Variants in ST3GAL6 observed in about 807,000 individuals in gnomAD.
ST3GAL6 encodes the protein type 2 lactosamine alpha-2,3-sialyltransferase.
ST3GAL6 carries 31 observed loss-of-function variants against 40.5 expected under a neutral mutation model. The ratio of observed to expected loss-of-function variants is 0.77; its 90% CI spans 0.58 to 1.03. The LOEUF (loss-of-function observed/expected upper bound fraction) is 1.03. ST3GAL6 is among the 50% of genes least tolerant of loss of function. The pLI, the probability that ST3GAL6 is intolerant of heterozygous loss-of-function variation, is 0.00. For synonymous variants in ST3GAL6, 129 were observed against 136.9 expected, an observed-to-expected ratio of 0.94 and a Z score of 0.40; for missense variants, 357 against 393.2, an observed-to-expected ratio of 0.91 and a Z score of 0.78.
Position 98,793,884 on chromosome 3 carries a change from G to T in ST3GAL6, c.*123G>T. The T allele has an allele frequency of 2.1e-6, 1 of 480,704 alleles. No homozygotes were observed. The highest frequency in any genetic ancestry group is 3.6e-6 in the Non-Finnish European group (1 of 279,662). The allele number at this position is 480,704 out of a possible 1,614,324, so 29.8% of individuals were successfully genotyped here. A position where few individuals can be genotyped will look rare whatever the true frequency, so the allele number is the denominator to read the frequency against. Reference sequence around the variant, plus strand: ...TGTATACTGTCTGTTGCTGCCTGGTGATTCATAACCACCAGCTTAATTTCT... The same window carrying T: ...TGTATACTGTCTGTTGCTGCCTGGTTATTCATAACCACCAGCTTAATTTCT... On this transcript the variant is annotated 3_prime_UTR_variant, in exon 10 of 10. Transcript: ENST00000483910.
intron 1 of ST3GAL6, chr3:98,756,231 C>A (rs139169098): frequency 1.6e-6 from 1 of 615,892 alleles, no homozygotes; most frequent in East Asian, 6.7e-5. Context: ...ATTTCATCAT[C>A]CTGGAAAACA....
At chr3:98,732,897 G>T (rs896807984) in intron 1 of ST3GAL6, 18 of 1,508,666 alleles carry the variant, frequency 1.2e-5, no homozygotes, top group Non-Finnish European at 1.5e-5. Context: ...GCAGCAGCCG[G>T]CTGGAGCAGC....
Position 98,770,889 on chromosome 3 carries a change from G to A in ST3GAL6, c.100G>A (p.Val34Met). 6.2e-7 allele frequency: 1 copy of A among 1,614,120 alleles called. No homozygotes were observed. Among genetic ancestry groups the A allele is most frequent in the South Asian group, 1.1e-5 (1 of 91,080 alleles). Residue 34 changes from valine (V) to methionine (M), a missense_variant, in exon 3 of 10, where the codon GTG becomes ATG. Coordinates refer to ENST00000483910, the MANE Select transcript of ST3GAL6 (RefSeq NM_001323368.2). ...ATTTTTGTCTCATAGGGTGGCACCTGTGGAAATGAAACGGAGAAATAAGAT... is the reference window on the plus strand; with the variant it reads ...ATTTTTGTCTCATAGGGTGGCACCTATGGAAATGAAACGGAGAAATAAGAT... ...WGTNVYWVAP[V>M]EMKRRNKIQP...
rs138412669 is a variant in ST3GAL6 at position 98,792,172 on chromosome 3, A to C, written c.909+179A>C. ...GTAACTAGAACTCATGTCCAGGATC[A>C]TTTTACTACAGCATGAAATCCCAAT... On this transcript the variant is annotated intron_variant, in intron 9 of 9. Coordinates refer to ENST00000483910, the MANE Select transcript of ST3GAL6 (RefSeq NM_001323368.2). 1.7e-3 allele frequency among the ~76,000 whole-genome samples: 263 copies of C among 152,286 alleles called. 1 individual carries two copies. Among genetic ancestry groups the C allele is most frequent in the African/African-American group, 5.8e-3 (241 of 41,560 alleles).
At chr3:98,780,860 T>A (rs1461152326) in intron 5 of ST3GAL6, among the ~76,000 whole-genome samples, 2 of 152,220 alleles carry the variant, frequency 1.3e-5, no homozygotes. Context: ...TGGAAACTTC[T>A]GTGAACACTA....
chr3:98,778,421 T>C (rs992826120), intron 5 of ST3GAL6, among the ~76,000 whole-genome samples: 2 of 152,238 alleles, frequency 1.3e-5, no homozygotes, highest in Admixed American at 1.3e-4. Context: ...TCTGCCTCCC[T>C]ACTTTAGACA....
At chr3:98,787,359 T>A (rs1244375993) in intron 6 of ST3GAL6, among the ~76,000 whole-genome samples, 1 of 152,172 alleles carries the variant, frequency 6.6e-6, no homozygotes, top group Admixed American at 6.5e-5. Flanking sequence ...TTTATCTCTT[T>A]GGGGACACTG....
At chr3:98,755,093 C>T (rs112607235) in intron 1 of ST3GAL6, among the ~76,000 whole-genome samples, 129 of 152,264 alleles carry the variant, frequency 8.5e-4, no homozygotes, top group African/African-American at 3.1e-3. Context: ...TGTCGCCCAG[C>T]CTGGAGTGCA....
chr3:98,771,170 AC>A, intron 3 of ST3GAL6: 3 of 1,476,068 alleles, frequency 2.0e-6, no homozygotes, highest in Non-Finnish European at 2.7e-6. Flanking sequence ...ACTCAATCAA[AC>A]CAGTATTCTT....
At chr3:98,774,423 T>C (rs941492324) in intron 5 of ST3GAL6, among the ~76,000 whole-genome samples, 1 of 152,242 alleles carries the variant, frequency 6.6e-6, no homozygotes. Flanking sequence ...CTCTTCTTTT[T>C]TAATCAGAAT....
intron 1 of ST3GAL6, among the ~76,000 whole-genome samples, chr3:98,738,197 A>G (rs1935731335): frequency 6.7e-6 from 1 of 149,904 alleles, no homozygotes; most frequent in African/African-American, 2.5e-5. Flanking sequence ...CCTCCCAGTC[A>G]TGCTTTCCGT....
intron 1 of ST3GAL6, chr3:98,733,503 T>A: frequency 1.0e-6 from 1 of 986,980 alleles, no homozygotes; most frequent in Non-Finnish European, 1.2e-6. Context: ...TCTTACCGTA[T>A]AAAGTTTTTC....
intron 1 of ST3GAL6, among the ~76,000 whole-genome samples, chr3:98,748,842 C>T (rs1936763816): frequency 1.3e-5 from 2 of 152,196 alleles, no homozygotes; most frequent in African/African-American, 4.8e-5. Context: ...TCATTCTCAC[C>T]TCAGAATCTT....
At chr3:98,732,700 C>G (rs1422263996) in intron 1 of ST3GAL6, 6 of 675,482 alleles carry the variant, frequency 8.9e-6, no homozygotes, top group South Asian at 2.5e-5. Flanking sequence ...AGGCGCTCGG[C>G]GCAGTCGCCC....
At chr3:98,780,551 G>C (rs1939997274) in intron 5 of ST3GAL6, among the ~76,000 whole-genome samples, 1 of 151,108 alleles carries the variant, frequency 6.6e-6, no homozygotes, top group Non-Finnish European at 1.5e-5. Context: ...CGTTCTAAAT[G>C]AGGCAATGTC....
intron 1 of ST3GAL6, among the ~76,000 whole-genome samples, chr3:98,753,975 G>A (rs758169962): frequency 6.6e-6 from 1 of 152,152 alleles, no homozygotes; most frequent in African/African-American, 2.4e-5. Flanking sequence ...TGTTGTATGA[G>A]GAGTTTAATG....
At chr3:98,770,169 G>A (rs1938816432) in intron 2 of ST3GAL6, among the ~76,000 whole-genome samples, 1 of 152,172 alleles carries the variant, frequency 6.6e-6, no homozygotes. Flanking sequence ...TCACATAACT[G>A]ATGATCATTA....
At chr3:98,764,829 C>T (rs1938160215) in intron 1 of ST3GAL6, among the ~76,000 whole-genome samples, 1 of 152,210 alleles carries the variant, frequency 6.6e-6, no homozygotes, top group Admixed American at 6.5e-5. Flanking sequence ...ACAGGCTAAG[C>T]ACTCATACAT....
At chr3:98,733,457 C>T (rs544779434) in intron 1 of ST3GAL6, 3 of 990,922 alleles carry the variant, frequency 3.0e-6, no homozygotes, top group South Asian at 4.7e-5. Flanking sequence ...AGGGTCTGTA[C>T]GCGAGGAGGG....
Sources: allele counts gnomAD v4.1 joint callset (sites outside exome capture counted in the v4.1 genomes callset), GRCh38; gene constraint gnomAD v4.1.1; transcripts MANE v1.5; gene names NCBI Gene and HGNC (gene_info 2026-07-23, HGNC 2026-07-21).